Variants in ZYG11B observed in about 807,000 individuals in gnomAD.
ZYG11B encodes protein zyg-11 homolog B.
A neutral mutation model predicts 82.4 loss-of-function variants in ZYG11B; 36 were observed. The observed-to-expected ratio is 0.44, with a 90% confidence interval of 0.33 to 0.58. ZYG11B has a LOEUF of 0.58. Ranked by LOEUF, ZYG11B falls within the 20% of genes least tolerant of loss-of-function variation. The pLI is 0.02. For missense variants in ZYG11B, 552 were observed against 895.6 expected (o/e 0.62, Z 4.90); for synonymous variants, 303 against 312.8 (o/e 0.97, Z 0.33).
chr1:52,770,148 A>G (rs867431425), intron 2 of ZYG11B, among the ~76,000 whole-genome samples: 18 of 146,270 alleles, frequency 1.2e-4, no homozygotes, highest in South Asian at 2.1e-4. Flanking sequence ...CTGGTGTGCA[A>G]TGGTGCAATC....
chr1:52,794,632 G>A (rs899890075), intron 6 of ZYG11B, among the ~76,000 whole-genome samples: 4 of 152,142 alleles, frequency 2.6e-5, no homozygotes, highest in Admixed American at 1.3e-4. Flanking sequence ...TATACCTAAA[G>A]TACTAAGGAG....
chr1:52,797,343 T>TA (rs1422957538), intron 8 of ZYG11B, among the ~76,000 whole-genome samples: 7 of 61,876 alleles, frequency 1.1e-4, no homozygotes, highest in Admixed American at 3.1e-4. Flanking sequence ...ATATTTATAA[T>TA]TATATATTAT....
chr1:52,742,460 AT>A (rs1256203017), intron 1 of ZYG11B, among the ~76,000 whole-genome samples: 1 of 151,954 alleles, frequency 6.6e-6, no homozygotes, highest in East Asian at 1.9e-4. Context: ...TCTAAAAAAA[AT>A]AAAAGATAGA....
At chr1:52,752,299 G>A (rs1382091572) in intron 1 of ZYG11B, among the ~76,000 whole-genome samples, 1 of 152,182 alleles carries the variant, frequency 6.6e-6, no homozygotes, top group African/African-American at 2.4e-5. Flanking sequence ...CAGCCAGATG[G>A]AAGAGATACA....
At chr1:52,737,207 A>G (rs1181571547) in intron 1 of ZYG11B, among the ~76,000 whole-genome samples, 2 of 152,130 alleles carry the variant, frequency 1.3e-5, no homozygotes, top group African/African-American at 4.8e-5. Context: ...TAAACCTTCA[A>G]GTGTCCCTTT....
At chr1:52,805,387 A>G in intron 10 of ZYG11B, 5 of 444,700 alleles carry the variant, frequency 1.1e-5, no homozygotes, top group Admixed American at 2.4e-5. Context: ...CCTTCATTAT[A>G]TAAGGTAGAA....
chr1:52,757,294 T>C lies in ZYG11B; in HGVS notation c.196+671T>C, dbSNP rs139364281. Among the ~76,000 whole-genome samples, 731 of 152,130 alleles carry C rather than the reference T, an allele frequency of 4.8e-3. 7 individuals are homozygous for C. The highest frequency in any genetic ancestry group is 0.017 in the African/African-American group (706 of 41,534). On this transcript the variant is annotated intron_variant, in intron 2 of 13. Coordinates refer to ENST00000294353, the MANE Select transcript of ZYG11B (RefSeq NM_024646.3). ...TCCCAAAGCACTGGGATCATAGGCATGAGCCACCATGCCCAGGTGAGAAGT... is the reference window on the plus strand; with the variant it reads ...TCCCAAAGCACTGGGATCATAGGCACGAGCCACCATGCCCAGGTGAGAAGT...
intron 1 of ZYG11B, among the ~76,000 whole-genome samples, chr1:52,742,726 C>T (rs7520527): frequency 0.33 from 49,623 of 151,330 alleles, 9,892 homozygotes; most frequent in Admixed American, 0.46. Flanking sequence ...CCTGTAGTCC[C>T]AGCTTCTCGG....
At chr1:52,800,568 G>A (rs1645067572) in intron 8 of ZYG11B, among the ~76,000 whole-genome samples, 1 of 152,048 alleles carries the variant, frequency 6.6e-6, no homozygotes, top group Admixed American at 6.6e-5. Context: ...TAGCACTTTG[G>A]GAGGCCGGGG....
intron 3 of ZYG11B, among the ~76,000 whole-genome samples, chr1:52,777,850 T>C (rs1024644078): frequency 6.6e-6 from 1 of 152,246 alleles, no homozygotes; most frequent in African/African-American, 2.4e-5. Flanking sequence ...AGACTAAATC[T>C]TCCCCTTATT....
At position 52,726,544 on chromosome 1, in the gene ZYG11B, G is replaced by T; in HGVS notation, c.-110G>T. The T allele has an allele frequency of 3.6e-6, 4 of 1,117,592 alleles. No homozygotes were observed. Among genetic ancestry groups the T allele is most frequent in the Non-Finnish European group, 4.7e-6 (4 of 859,418 alleles). The allele number at this position is 1,117,592 out of a possible 1,614,324, so 69.2% of individuals were successfully genotyped here. A position where few individuals can be genotyped will look rare whatever the true frequency, so the allele number is the denominator to read the frequency against. On this transcript the variant is annotated 5_prime_UTR_variant, in exon 1 of 14. Transcript: ENST00000294353. ...GCTTGAGGGAAAGAGGCCGAGGCCT[G>T]GGCCAAGCCCGGAGCCGCCGCTCGC...
At chr1:52,803,277 CACAT>C (rs1219801488) in intron 10 of ZYG11B, among the ~76,000 whole-genome samples, 1,414 of 106,118 alleles carry the variant, frequency 0.013, 71 homozygotes, top group Middle Eastern at 0.056. Flanking sequence ...CACACACACA[CACAT>C]ATATATATAT....
At chr1:52,727,323 C>T (rs1468243576) in intron 1 of ZYG11B, among the ~76,000 whole-genome samples, 2 of 152,066 alleles carry the variant, frequency 1.3e-5, no homozygotes, top group African/African-American at 2.4e-5. Flanking sequence ...TATAGGTTTG[C>T]TTCTTCCTTT....
At chr1:52,818,561 G>T (rs7416354) in intron 13 of ZYG11B, among the ~76,000 whole-genome samples, 1 of 151,984 alleles carries the variant, frequency 6.6e-6, no homozygotes, top group Non-Finnish European at 1.5e-5. Flanking sequence ...TGGCTCTGCT[G>T]CAAGTAAAAA....
rs567690328 is a variant in ZYG11B, at chr1:52,780,805, AG to A, written c.1092+814del. ...CAAAACAGCTTTTGAAGGGCAAGAA[AG>A]GAGATTTCTTAATTTTATTGAATGC... On this transcript the variant is annotated intron_variant, in intron 4 of 13. Coordinates refer to ENST00000294353, the MANE Select transcript of ZYG11B (RefSeq NM_024646.3). Among the ~76,000 whole-genome samples, 21 of 152,250 alleles carry A rather than the reference AG, an allele frequency of 1.4e-4. No individual in the cohort carries two copies. In the East Asian group the frequency reaches 4.1e-3, roughly 29 times the overall value.
chr1:52,772,222 G>A lies in ZYG11B; in HGVS notation c.951+448G>A, dbSNP rs1644758947. ...TGCGACCAGGGCAGAGGCTGTAGAT[G>A]ATTCATATTTCCAACTGGGAGGGAG... On this transcript the variant is annotated intron_variant, in intron 3 of 13. Coordinates refer to ENST00000294353, the MANE Select transcript of ZYG11B (RefSeq NM_024646.3). 13 of 1,431,072 alleles carry A rather than the reference G, an allele frequency of 9.1e-6. No individual in the cohort carries two copies. The South Asian group carries it at 1.4e-4, about 15-fold the overall frequency. The allele number at this position is 1,431,072 out of a possible 1,614,324, so 88.6% of individuals were successfully genotyped here.
chr1:52,790,065 C>T lies in ZYG11B; in HGVS notation c.1332C>T (p.Asn444=). 6.3e-7 allele frequency: 1 copy of T among 1,592,150 alleles called. No individual in the cohort carries two copies. The highest frequency in any genetic ancestry group is 8.6e-7 in the Non-Finnish European group (1 of 1,166,912). The change falls in exon 6 of 14, where the codon AAC becomes AAT. Residue 444 remains asparagine, a splice_region_variant and synonymous_variant. Transcript: ENST00000294353. ...GGATCCTTCAAGATGTTCCATTTAA[C>T]AGGCAAGTGATAGCTCTAGAACTTA... ...SDRILQDVPF[N]RFEAAKLVMQ... is the part of the protein sequence containing the mutation.
Position 52,771,160 on chromosome 1 carries a change from A to G in ZYG11B, c.337A>G (p.Thr113Ala), listed in dbSNP as rs748321446. 5 of 1,614,112 alleles carry G rather than the reference A, an allele frequency of 3.1e-6. No homozygotes were observed. The highest frequency in any genetic ancestry group is 2.7e-5 in the African/African-American group (2 of 74,940). ...CCACAAGTTAGTGGAACTTGATGCC[A>G]CAGGTGTGAATGCTGATATCACGAT... Reference protein sequence around the residue: ...CHHKLVELDATGVNADITITD... With the variant: ...CHHKLVELDAAGVNADITITD... The change falls in exon 3 of 14, where the codon ACA (threonine) becomes GCA (alanine). Residue 113 changes from threonine to alanine, a missense_variant. Physicochemically the swap from Thr to Ala is moderately conservative, Grantham distance 58. Transcript: ENST00000294353. This position sits in a 1 kb window ranked among gnomAD's most constrained non-coding sequence, Gnocchi z 5.4.
At chr1:52,815,899 C>T (rs1181529581) in intron 12 of ZYG11B, among the ~76,000 whole-genome samples, 1 of 152,166 alleles carries the variant, frequency 6.6e-6, no homozygotes, top group East Asian at 1.9e-4. Context: ...CGCGCCACTG[C>T]ACTCCAGCCT....
Sources: allele counts gnomAD v4.1 joint callset (sites outside exome capture counted in the v4.1 genomes callset), GRCh38; gene constraint gnomAD v4.1.1; non-coding constraint Gnocchi (gnomAD v3.1); transcripts MANE v1.5; gene names NCBI Gene and HGNC (gene_info 2026-07-23, HGNC 2026-07-21).